Variants in DMD observed in about 807,000 individuals in gnomAD.
The protein encoded by DMD is mutant dystrophin.
A neutral mutation model predicts 330.1 loss-of-function variants in DMD; 63 were observed. The observed-to-expected ratio is 0.19, with a 90% CI of 0.16 to 0.24. DMD has a LOEUF of 0.24. DMD is among the 10% of genes least tolerant of loss of function. The pLI, the probability that DMD is intolerant of heterozygous loss-of-function variation, is 1.00. For synonymous variants in DMD, 1,223 were observed against 959.8 expected, an observed-to-expected ratio of 1.27 and a Z score of -5.07; for missense variants, 3,344 against 2,684.1, an observed-to-expected ratio of 1.25 and a Z score of -5.43.
intron 44 of DMD, among the ~76,000 whole-genome samples, chrX:32,213,712 C>T (rs1248142082): frequency 2.7e-5 from 3 of 111,846 alleles, no homozygotes; most frequent in African/African-American, 6.5e-5. Context: ...TGGTGGCTCA[C>T]GTCTGCAATC....
chrX:32,336,381 A>T, intron 41 of DMD, among the ~76,000 whole-genome samples: 1 of 111,931 alleles, frequency 8.9e-6, no homozygotes, highest in Middle Eastern at 4.7e-3. Context: ...ATTTTCTATC[A>T]GCCTTCCAAG....
chrX:33,263,746 A>G (rs1227956085), intron 1 of DMD, among the ~76,000 whole-genome samples: 3 of 110,133 alleles, frequency 2.7e-5, no homozygotes. Context: ...ATAGTAATAC[A>G]ATCATACAAG....
At chrX:32,568,245 C>G (rs1221782251) in intron 15 of DMD, among the ~76,000 whole-genome samples, 1 of 111,954 alleles carries the variant, frequency 8.9e-6, no homozygotes, top group African/African-American at 3.2e-5. Context: ...GGTGGTGGCT[C>G]ACGCCTATAA....
intron 1 of DMD, among the ~76,000 whole-genome samples, chrX:33,234,369 G>T (rs1475905806): frequency 9.0e-6 from 1 of 110,629 alleles, no homozygotes; most frequent in East Asian, 2.8e-4. Context: ...GTGTTTGTGT[G>T]TGCGTCTATG....
chrX:32,705,276 G>C (rs1468624576), intron 7 of DMD, among the ~76,000 whole-genome samples: 1 of 111,804 alleles, frequency 8.9e-6, no homozygotes, highest in African/African-American at 3.3e-5. Flanking sequence ...ACAAGCAGTT[G>C]CTTTTACCAT....
At chrX:31,992,250 A>T (rs2095556163) in intron 44 of DMD, among the ~76,000 whole-genome samples, 1 of 112,195 alleles carries the variant, frequency 8.9e-6, no homozygotes, top group African/African-American at 3.2e-5. Flanking sequence ...GGTTTTGTGT[A>T]GCTAGTTTTT....
intron 60 of DMD, among the ~76,000 whole-genome samples, chrX:31,421,216 A>C (rs911756813): frequency 8.9e-6 from 1 of 111,984 alleles, no homozygotes; most frequent in South Asian, 3.7e-4. Flanking sequence ...ATAATGAAAA[A>C]ATGCCCAGCT....
intron 57 of DMD, among the ~76,000 whole-genome samples, chrX:31,490,563 A>T (rs1393284740): frequency 8.9e-6 from 1 of 112,128 alleles, no homozygotes; most frequent in East Asian, 2.8e-4. Flanking sequence ...TCAAAAAAAA[A>T]TTAAAGAAAA....
chrX:32,863,098 A>G (rs2082194596), intron 2 of DMD, among the ~76,000 whole-genome samples: 1 of 111,330 alleles, frequency 9.0e-6, no homozygotes, highest in African/African-American at 3.3e-5. Context: ...ATAGCCAGTG[A>G]TGGAAATGAA....
intron 44 of DMD, among the ~76,000 whole-genome samples, chrX:32,027,183 CAGAGAG>C (rs1557075867): frequency 4.1e-5 from 4 of 97,499 alleles, no homozygotes; most frequent in African/African-American, 1.6e-4. Flanking sequence ...CACACACACA[CAGAGAG>C]AGAGAGAGAG....
intron 41 of DMD, among the ~76,000 whole-genome samples, chrX:32,328,038 TTA>T (rs2097660086): frequency 9.0e-6 from 1 of 111,728 alleles, no homozygotes. Flanking sequence ...ATGATGAACG[TTA>T]GAGTCTTTTG....
At chrX:31,353,034 G>C (rs2065260915) in intron 60 of DMD, among the ~76,000 whole-genome samples, 1 of 111,379 alleles carries the variant, frequency 9.0e-6, no homozygotes, top group Non-Finnish European at 1.9e-5. Context: ...GGCACAATCA[G>C]TTCTTTCCTT....
At chrX:32,592,578 C>T (rs778689031) in intron 13 of DMD, among the ~76,000 whole-genome samples, 11 of 111,846 alleles carry the variant, frequency 9.8e-5, no homozygotes, top group African/African-American at 3.3e-4. Flanking sequence ...CTGCACCTTG[C>T]TCACCCTCCA....
intron 11 of DMD, among the ~76,000 whole-genome samples, chrX:32,634,988 G>T (rs1569353930): frequency 8.9e-6 from 1 of 112,040 alleles, no homozygotes; most frequent in African/African-American, 3.2e-5. Context: ...TCTAATCCAT[G>T]ATGACAAGGC....
intron 48 of DMD, among the ~76,000 whole-genome samples, chrX:31,844,980 C>A (rs2093386788): frequency 9.6e-6 from 1 of 104,679 alleles, no homozygotes; most frequent in Non-Finnish European, 2.0e-5. Flanking sequence ...TTATGGTGGT[C>A]TGGAACTGAA....
intron 4 of DMD, among the ~76,000 whole-genome samples, chrX:32,841,590 A>G (rs1266452957): frequency 8.9e-6 from 1 of 112,084 alleles, no homozygotes; most frequent in Non-Finnish European, 1.9e-5. Flanking sequence ...AGTACTGTGA[A>G]GCAATGAGGA....
At chrX:31,363,613 C>T (rs1040606651) in intron 60 of DMD, among the ~76,000 whole-genome samples, 8 of 110,962 alleles carry the variant, frequency 7.2e-5, no homozygotes, top group East Asian at 2.8e-4. Context: ...CTCCTGATCT[C>T]GTGATCCGCC....
chrX:32,803,745 G>A (rs1408888662), intron 7 of DMD, among the ~76,000 whole-genome samples: 1 of 112,168 alleles, frequency 8.9e-6, no homozygotes, highest in African/African-American at 3.2e-5. Flanking sequence ...GAGCAGGTTT[G>A]TTCAGCTTCC....
intron 50 of DMD, among the ~76,000 whole-genome samples, chrX:31,802,018 T>TA (rs1441719131): frequency 7.2e-5 from 8 of 111,240 alleles, no homozygotes; most frequent in Non-Finnish European, 1.1e-4. Context: ...GCAATGGCTT[T>TA]AAAAAACAGA....
Sources: gnomAD v4.1 joint callset for allele counts (sites outside exome capture counted in the v4.1 genomes callset) on GRCh38, gnomAD v4.1.1 for gene constraint, MANE v1.5 for transcripts, NCBI Gene and HGNC (gene_info 2026-07-23, HGNC 2026-07-21) for gene names.